Variants in KCNQ4 observed in about 807,000 individuals in gnomAD.
The protein encoded by KCNQ4 is potassium voltage-gated channel subfamily KQT member 4.
In KCNQ4, 31 loss-of-function variants were observed where a neutral mutation model predicts 72.6. That is an observed-to-expected ratio of 0.43 (90% CI 0.32 to 0.58). The LOEUF is 0.58. KCNQ4 is among the 20% of genes least tolerant of loss of function. KCNQ4 has a pLI of 0.08. For missense variants in KCNQ4, 869 were observed against 962.6 expected (o/e 0.90, Z 1.29); for synonymous variants, 405 against 403.7 (o/e 1.00, Z -0.04).
chr1:40,809,787 A>T (rs967153880), intron 1 of KCNQ4, among the ~76,000 whole-genome samples: 1 of 152,136 alleles, frequency 6.6e-6, no homozygotes, highest in African/African-American at 2.4e-5. Flanking sequence ...ACAATTGGCC[A>T]GGTGCGGTGG....
chr1:40,818,255 G>A lies in KCNQ4; in HGVS notation c.497G>A (p.Arg166His), dbSNP rs1282247264. The A allele has an allele frequency of 1.5e-5, 24 of 1,613,852 alleles. No homozygotes were observed. The highest frequency in any genetic ancestry group is 2.0e-5 in the Non-Finnish European group (24 of 1,180,034). Residue 166 changes from arginine (R) to histidine (H), a missense_variant, in exon 3 of 14, where the codon CGC becomes CAC. Transcript: ENST00000347132. ...CCCRYRGWQGRFRFARKPFCV... is the reference protein window; with the variant it reads ...CCCRYRGWQGHFRFARKPFCV... ...TGCCGCTACCGAGGATGGCAGGGTC[G>A]CTTCCGCTTTGCCAGAAAGCCCTTC...
chr1:40,806,516 G>A (rs1415716419), intron 1 of KCNQ4, among the ~76,000 whole-genome samples: 2 of 152,222 alleles, frequency 1.3e-5, no homozygotes, highest in African/African-American at 2.4e-5. Flanking sequence ...GGCTGGTGCA[G>A]GTGGGAGAGG....
intron 1 of KCNQ4, among the ~76,000 whole-genome samples, chr1:40,809,959 G>C (rs1197578037): frequency 6.6e-6 from 1 of 152,064 alleles, no homozygotes; most frequent in African/African-American, 2.4e-5. Context: ...CAGCTACTCG[G>C]GAGGCTGAGG....
intron 4 of KCNQ4, 22 bp downstream of exon 4, chr1:40,818,702 C>T (rs1272533029): frequency 6.4e-7 from 1 of 1,568,394 alleles, no homozygotes; most frequent in African/African-American, 1.4e-5. Flanking sequence ...AAGCCGCGCG[C>T]GGAGACCCGA....
chr1:40,814,351 G>A (rs1320229060), intron 1 of KCNQ4, among the ~76,000 whole-genome samples: 1 of 152,094 alleles, frequency 6.6e-6, no homozygotes, highest in Non-Finnish European at 1.5e-5. Context: ...ACCGCACCCA[G>A]CCTGCATTTT....
chr1:40,802,709 C>G (rs973830181), intron 1 of KCNQ4, among the ~76,000 whole-genome samples: 1 of 152,188 alleles, frequency 6.6e-6, no homozygotes, highest in African/African-American at 2.4e-5. Context: ...GAACCCGTAC[C>G]TCTCCCGAGA....
At chr1:40,829,782 G>A (rs6656403) in intron 9 of KCNQ4, among the ~76,000 whole-genome samples, 4,871 of 152,216 alleles carry the variant, frequency 0.032, 274 homozygotes, top group African/African-American at 0.11. Flanking sequence ...CCCTGAACCC[G>A]AACCTGAACC....
Position 40,839,950 on chromosome 1 carries a change from C to G in KCNQ4, c.*1427C>G, listed in dbSNP as rs1207140111. ...GCAGCGCCACATCCAGGCGTCAGCCCCCATTCACTCCAGGAACACTTTCTT... is the reference window on the plus strand; with the variant it reads ...GCAGCGCCACATCCAGGCGTCAGCCGCCATTCACTCCAGGAACACTTTCTT... On this transcript the variant is annotated 3_prime_UTR_variant, in exon 14 of 14. Coordinates refer to ENST00000347132, the MANE Select transcript of KCNQ4 (RefSeq NM_004700.4). 1 of 152,336 alleles carries G rather than the reference C, an allele frequency of 6.6e-6. No homozygotes were observed. The highest frequency in any genetic ancestry group is 6.5e-5 in the Admixed American group (1 of 15,288). 9.4% of individuals were successfully genotyped at this position (152,336 alleles called of 1,614,324 possible).
intron 1 of KCNQ4, among the ~76,000 whole-genome samples, chr1:40,811,099 C>G (rs76734538): frequency 6.6e-6 from 1 of 152,146 alleles, no homozygotes; most frequent in Admixed American, 6.5e-5. Context: ...GATGATGGTA[C>G]GGTTCCATGG....
rs903942176 is a variant in KCNQ4 at position 40,818,169 on chromosome 1, C to T, written c.411C>T (p.Phe137=). The change falls in exon 3 of 14, where the codon TTC becomes TTT. Residue 137 remains phenylalanine (F), a synonymous_variant. Coordinates refer to ENST00000347132, the MANE Select transcript of KCNQ4 (RefSeq NM_004700.4). ...LANECLLILE[F]VMIVVFGLEY... Reference sequence around the variant, plus strand: ...TCAGGCCCCTGGTCCCACAGGAATTCGTGATGATCGTGGTTTTCGGCTTGG... The same window carrying T: ...TCAGGCCCCTGGTCCCACAGGAATTTGTGATGATCGTGGTTTTCGGCTTGG... The T allele has an allele frequency of 5.0e-6, 8 of 1,613,868 alleles. No homozygotes were observed. The African/African-American group carries it at 1.1e-4, about 22-fold the overall frequency.
intron 1 of KCNQ4, among the ~76,000 whole-genome samples, chr1:40,806,613 A>G (rs1441582322): frequency 6.6e-6 from 1 of 152,268 alleles, no homozygotes; most frequent in African/African-American, 2.4e-5. Flanking sequence ...CTGGCTCAAT[A>G]AAAACTGGCT....
chr1:40,818,287 A>G lies in KCNQ4; in HGVS notation c.529A>G (p.Ile177Val), dbSNP rs758042746. 7 of 1,613,748 alleles carry G rather than the reference A, an allele frequency of 4.3e-6. No individual in the cohort carries two copies. Among genetic ancestry groups the G allele is most frequent in the Non-Finnish European group, 5.9e-6 (7 of 1,180,002 alleles). ...CTTTGCCAGAAAGCCCTTCTGTGTCATCGGTAATGAGGCGCGCCCCGCCCG... is the reference window on the plus strand; with the variant it reads ...CTTTGCCAGAAAGCCCTTCTGTGTCGTCGGTAATGAGGCGCGCCCCGCCCG... ...FRFARKPFCV[I>V]DFIVFVASVA... Residue 177 changes from isoleucine (I) to valine (V), a missense_variant, in exon 3 of 14, where the codon ATC (isoleucine) becomes GTC (valine). Physicochemically the swap from Ile to Val is conservative, Grantham distance 29 (BLOSUM62 3). Transcript: ENST00000347132.
intron 12 of KCNQ4, among the ~76,000 whole-genome samples, chr1:40,836,749 G>A (rs372068205): frequency 2.0e-5 from 3 of 152,206 alleles, no homozygotes; most frequent in African/African-American, 7.2e-5. Context: ...GTGATCAGAT[G>A]TGTTGAGTGC....
intron 9 of KCNQ4, among the ~76,000 whole-genome samples, chr1:40,829,044 A>G (rs1486517005): frequency 6.6e-6 from 1 of 152,246 alleles, no homozygotes; most frequent in African/African-American, 2.4e-5. Context: ...TGCTGAGTGC[A>G]AGCTCAGCCT....
chr1:40,802,568 T>C lies in KCNQ4; in HGVS notation c.315-14697T>C, dbSNP rs1218159692. ...CCGCCCATTTCCGTAAGCCCCGCCCTCGCCGAGGCGGGCTGGGGGCACCTG... is the reference window on the plus strand; with the variant it reads ...CCGCCCATTTCCGTAAGCCCCGCCCCCGCCGAGGCGGGCTGGGGGCACCTG... On this transcript the variant is annotated intron_variant, in intron 1 of 13. Transcript: ENST00000347132. 4.0e-5 allele frequency among the ~76,000 whole-genome samples: 6 copies of C among 148,546 alleles called. No homozygotes were observed. In the East Asian group the frequency reaches 8.2e-4, roughly 20 times the overall value.
At chr1:40,808,941 C>G (rs1195242755) in intron 1 of KCNQ4, among the ~76,000 whole-genome samples, 1 of 152,224 alleles carries the variant, frequency 6.6e-6, no homozygotes, top group African/African-American at 2.4e-5. Context: ...ACTGTCTCTA[C>G]CTCCTCACTG....
At chr1:40,823,275 G>A (rs1200881032) in intron 8 of KCNQ4, among the ~76,000 whole-genome samples, 1 of 152,216 alleles carries the variant, frequency 6.6e-6, no homozygotes, top group Non-Finnish European at 1.5e-5. Flanking sequence ...CATCACACTG[G>A]TGCCCCCACA....
At chr1:40,809,326 A>G (rs1647856475) in intron 1 of KCNQ4, among the ~76,000 whole-genome samples, 1 of 151,302 alleles carries the variant, frequency 6.6e-6, no homozygotes, top group Admixed American at 6.6e-5. Flanking sequence ...CACCACCTCT[A>G]CCCTGATGTC....
chr1:40,834,754 C>T lies in KCNQ4; in HGVS notation c.1614-213C>T, dbSNP rs35608423. 0.12 allele frequency among the ~76,000 whole-genome samples: 18,142 copies of T among 151,716 alleles called. 1,260 individuals are homozygous for T. The highest frequency in any genetic ancestry group is 0.23 in the Admixed American group (3,479 of 15,264). Reference sequence around the variant, plus strand: ...CCATGGCACCCTGAACCCCATCCTCCACCCCGGCTGGTTGATTAACCCCTT... The same window carrying T: ...CCATGGCACCCTGAACCCCATCCTCTACCCCGGCTGGTTGATTAACCCCTT... On this transcript the variant is annotated intron_variant, in intron 11 of 13. Coordinates refer to ENST00000347132, the MANE Select transcript of KCNQ4 (RefSeq NM_004700.4).
Sources: gnomAD v4.1 joint callset for allele counts (sites outside exome capture counted in the v4.1 genomes callset) on GRCh38, gnomAD v4.1.1 for gene constraint, MANE v1.5 for transcripts, NCBI Gene and HGNC (gene_info 2026-07-23, HGNC 2026-07-21) for gene names.